Variants in ADGRB1 observed in about 807,000 individuals in gnomAD.
The protein encoded by ADGRB1 is adhesion G protein-coupled receptor B1.
A neutral mutation model predicts 175.7 loss-of-function variants in ADGRB1; 36 were observed. That is an observed-to-expected ratio of 0.20 (90% CI 0.16 to 0.27). The LOEUF (loss-of-function observed/expected upper bound fraction) is 0.27, where lower values mean the gene tolerates loss of function less well. Ranked by LOEUF, ADGRB1 falls within the 10% of genes least tolerant of loss-of-function variation. The pLI, the probability that ADGRB1 is intolerant of heterozygous loss-of-function variation, is 1.00. For synonymous variants in ADGRB1, 1,054 were observed against 979.4 expected (o/e 1.08, Z -1.42); for missense variants, 1,731 against 2,255.3 (o/e 0.77, Z 4.71).
At chr8:142,527,204 GAGGGAC>G (rs1844254337) in intron 24 of ADGRB1, among the ~76,000 whole-genome samples, 2 of 152,324 alleles carry the variant, frequency 1.3e-5, no homozygotes, top group South Asian at 4.1e-4. Context: ...ACCCACCTTT[GAGGGAC>G]AGGGCCCTGG....
rs1028287143 is a variant in ADGRB1 at position 142,477,242 on chromosome 8, G to C, written c.1186G>C (p.Glu396Gln). Residue 396 changes from glutamate (E) to glutamine (Q), a missense_variant, in exon 5 of 31, where the codon GAG becomes CAG. Around this residue, in one of 8 missense-constraint regions of ADGRB1, gnomAD observed 178 missense variants for 227.8 expected, o/e 0.78. Coordinates refer to ENST00000517894, the MANE Select transcript of ADGRB1 (RefSeq NM_001702.3). ...YSTQCSGPLR[E>Q]QRLCNNSAVC... is the part of the protein sequence containing the mutation. ...CACGCAGTGCAGCGGACCCCTGCGCGAGCAGCGGCTGTGCAACAACTCTGC... is the reference window on the plus strand; with the variant it reads ...CACGCAGTGCAGCGGACCCCTGCGCCAGCAGCGGCTGTGCAACAACTCTGC... 6.3e-7 allele frequency: 1 copy of C among 1,592,996 alleles called. No homozygotes were observed. Among genetic ancestry groups the C allele is most frequent in the Admixed American group, 1.7e-5 (1 of 59,516 alleles).
chr8:142,537,691 C>T lies in ADGRB1; in HGVS notation c.3666+609C>T, dbSNP rs762173547. 6.6e-5 allele frequency among the ~76,000 whole-genome samples: 10 copies of T among 152,170 alleles called. No homozygotes were observed. The highest frequency in any genetic ancestry group is 1.4e-4 in the African/African-American group (6 of 41,440). On this transcript the variant is annotated intron_variant, in intron 26 of 30. Coordinates refer to ENST00000517894, the MANE Select transcript of ADGRB1 (RefSeq NM_001702.3). This position sits in a 1 kb window ranked among gnomAD's most constrained non-coding sequence, Gnocchi z 4.6. The stretch of plus-strand genomic sequence containing the variant: ...CCTCAGCGGTGTGTTCTGCACCCCC[C>T]GCCCCTGCCTGTGCCTGCGCCTGTC...
intron 2 of ADGRB1, among the ~76,000 whole-genome samples, chr8:142,465,666 G>T (rs1285230841): frequency 1.3e-5 from 2 of 152,190 alleles, no homozygotes; most frequent in Non-Finnish European, 2.9e-5. Context: ...GACACGAGCA[G>T]CCAGGCCTCA....
rs1842053252 is a variant in ADGRB1, at chr8:142,492,969, C to T, written c.2675+2154C>T. On this transcript the variant is annotated intron_variant, in intron 17 of 30. Transcript: ENST00000517894. The surrounding 1 kb of genome is among the most constrained non-coding windows in gnomAD (Gnocchi z 4.4). ...TCTCGGGGGGCTGCGCCCTGGTTCA[C>T]TCAACCAGCCCCTGCTGGTGGCCTT... Among the ~76,000 whole-genome samples the T allele has an allele frequency of 6.6e-6, 1 of 152,064 alleles. No homozygotes were observed. The highest frequency in any genetic ancestry group is 1.5e-5 in the Non-Finnish European group (1 of 67,982).
At chr8:142,459,419 C>T (rs1202977922) in intron 1 of ADGRB1, among the ~76,000 whole-genome samples, 1 of 152,156 alleles carries the variant, frequency 6.6e-6, no homozygotes, top group East Asian at 1.9e-4. Flanking sequence ...TGTGCAGATA[C>T]CACAGCAGCT....
At chr8:142,469,281 G>C (rs977591755) in intron 2 of ADGRB1, among the ~76,000 whole-genome samples, 11 of 150,450 alleles carry the variant, frequency 7.3e-5, no homozygotes, top group Non-Finnish European at 1.3e-4. Context: ...GTGCAGGTGA[G>C]TGAATGTGTG....
intron 17 of ADGRB1, among the ~76,000 whole-genome samples, chr8:142,500,477 G>A (rs1842466350): frequency 6.6e-6 from 1 of 150,484 alleles, no homozygotes; most frequent in Non-Finnish European, 1.5e-5. Flanking sequence ...CCTCGTGGGG[G>A]CGAGGGCATG....
chr8:142,514,383 C>T (rs572300392), intron 18 of ADGRB1, among the ~76,000 whole-genome samples: 54 of 152,256 alleles, frequency 3.5e-4, no homozygotes, highest in African/African-American at 1.1e-3. Context: ...GCCGGCTCTG[C>T]GGCTGCAGCA....
chr8:142,541,984 G>C lies in ADGRB1; in HGVS notation c.3750G>C (p.Thr1250=). 6.3e-7 allele frequency: 1 copy of C among 1,582,174 alleles called. No individual in the cohort carries two copies. Among genetic ancestry groups the C allele is most frequent in the South Asian group, 1.1e-5 (1 of 87,510 alleles). ...CGGCCTGCCGCACTGCCACCATCAC[G>C]GGCACACTGAAGCGGCCGTCTCTGC... The part of the protein sequence containing the change: ...DIAACRTATI[T]GTLKRPSLPE... Residue 1250 remains threonine (T), a synonymous_variant, in exon 28 of 31, where the codon ACG becomes ACC. Coordinates refer to ENST00000517894, the MANE Select transcript of ADGRB1 (RefSeq NM_001702.3).
intron 24 of ADGRB1, among the ~76,000 whole-genome samples, chr8:142,529,879 C>T (rs1844503722): frequency 7.5e-6 from 1 of 133,616 alleles, no homozygotes; most frequent in Non-Finnish European, 1.6e-5. Flanking sequence ...GGTGTGTATA[C>T]ATGTGAACGT....
chr8:142,476,897 A>C lies in ADGRB1; in HGVS notation c.1057+202A>C, dbSNP rs1249953837. 2.8e-4 allele frequency among the ~76,000 whole-genome samples: 43 copies of C among 152,340 alleles called. 1 individual carries two copies. The highest frequency in any genetic ancestry group is 2.9e-5 in the Non-Finnish European group (2 of 68,022). The stretch of plus-strand genomic sequence containing the variant: ...AGAAACGTGTCCCTGGCCAGACCCC[A>C]GAGGCCCAGGGATGGCACAGGCCGG... On this transcript the variant is annotated intron_variant, in intron 4 of 30. Transcript: ENST00000517894.
rs1283885235 is a variant in ADGRB1 at position 142,449,972 on chromosome 8, G to C, written c.-352G>C. 1 of 149,712 alleles carries C rather than the reference G, an allele frequency of 6.7e-6. No individual in the cohort carries two copies. Among genetic ancestry groups the C allele is most frequent in the East Asian group, 2.0e-4 (1 of 5,060 alleles). 9.3% of individuals were successfully genotyped at this position (149,712 alleles called of 1,614,324 possible). Reference sequence around the variant, plus strand: ...GCGAGGCCCAGAGCGGGCCGGGGGCGGCGGCGGCTGGAGGAGCCCCCCCCA... The same window carrying C: ...GCGAGGCCCAGAGCGGGCCGGGGGCCGCGGCGGCTGGAGGAGCCCCCCCCA... On this transcript the variant is annotated 5_prime_UTR_variant, in exon 1 of 31. Coordinates refer to ENST00000517894, the MANE Select transcript of ADGRB1 (RefSeq NM_001702.3).
chr8:142,482,375 G>T (rs1001950939), intron 11 of ADGRB1, among the ~76,000 whole-genome samples: 1 of 151,032 alleles, frequency 6.6e-6, no homozygotes, highest in Non-Finnish European at 1.5e-5. Flanking sequence ...GTCACACTGA[G>T]CCCTGATTCT....
In ADGRB1 at chr8:142,526,578, C is replaced by T. The variant is rs1235399596; in HGVS notation, c.3349C>T (p.Leu1117Phe). 6.2e-7 allele frequency: 1 copy of T among 1,607,712 alleles called. No individual in the cohort carries two copies. Among genetic ancestry groups the T allele is most frequent in the African/African-American group, 1.3e-5 (1 of 74,530 alleles). Residue 1117 changes from leucine (L) to phenylalanine (F), a missense_variant, in exon 24 of 31, where the codon CTC (leucine) becomes TTC (phenylalanine). Leu to Phe is a conservative substitution (Grantham distance 22, BLOSUM62 0). Coordinates refer to ENST00000517894, the MANE Select transcript of ADGRB1 (RefSeq NM_001702.3). ...CATTGGGATCCTGGTGTTCAACAAG[C>T]TCGTGTCCAAAGACGGCATCACGGA... ...MVIGILVFNK[L>F]VSKDGITDKK...
intron 1 of ADGRB1, among the ~76,000 whole-genome samples, chr8:142,452,705 G>A (rs972910020): frequency 6.6e-6 from 1 of 152,130 alleles, no homozygotes; most frequent in Non-Finnish European, 1.5e-5. Flanking sequence ...TGGCATGAAG[G>A]GCCCCAGGGA....
At chr8:142,476,930 G>A (rs927436155) in intron 4 of ADGRB1, among the ~76,000 whole-genome samples, 184 bp from the exon 5 acceptor site, 1 of 152,228 alleles carries the variant, frequency 6.6e-6, no homozygotes, top group African/African-American at 2.4e-5. Flanking sequence ...CGGCCCTCAG[G>A]GCTCCCAGCC....
At chr8:142,457,721 C>A (rs1839756958) in intron 1 of ADGRB1, among the ~76,000 whole-genome samples, 2 of 152,160 alleles carry the variant, frequency 1.3e-5, no homozygotes, top group Admixed American at 1.3e-4. Context: ...ATCTGGGGGT[C>A]ACCCTGTCGG....
chr8:142,535,798 G>A (rs1844890440), intron 25 of ADGRB1, among the ~76,000 whole-genome samples: 1 of 152,056 alleles, frequency 6.6e-6, no homozygotes, highest in Non-Finnish European at 1.5e-5. Context: ...GCACACGGTA[G>A]GTGCCCAGTA....
chr8:142,518,352 C>G (rs1843571477), intron 19 of ADGRB1, 111 bp downstream of exon 19: 4 of 1,139,784 alleles, frequency 3.5e-6, no homozygotes, highest in Non-Finnish European at 5.1e-6. Context: ...CATTTGTCCT[C>G]ACGTTCCCAG....
Sources: gnomAD v4.1 joint callset for allele counts (sites outside exome capture counted in the v4.1 genomes callset) on GRCh38, gnomAD v4.1.1 for gene constraint, gnomAD v4.1.1 regional missense constraint, Gnocchi (gnomAD v3.1) non-coding constraint, MANE v1.5 for transcripts, NCBI Gene and HGNC (gene_info 2026-07-23, HGNC 2026-07-21) for gene names.